EXOC6: variants seen among roughly 807,000 people sequenced by gnomAD.
EXOC6 encodes SEC15-like 1.
A neutral mutation model predicts 112.5 loss-of-function variants in EXOC6; 60 were observed. The ratio of observed to expected loss-of-function variants is 0.53; its 90% CI spans 0.43 to 0.66. EXOC6 has a LOEUF of 0.66. EXOC6 is among the 30% of genes least tolerant of loss of function. The probability of loss-of-function intolerance (pLI) is 0.00; values close to 1 mark genes in which losing one functional copy is unlikely to be tolerated. For synonymous variants in EXOC6, 295 were observed against 308.0 expected (o/e 0.96, Z 0.44); for missense variants, 855 against 957.1 (o/e 0.89, Z 1.41).
chr10:92,974,686 C>T (rs1366536566), intron 18 of EXOC6, among the ~76,000 whole-genome samples: 2 of 152,086 alleles, frequency 1.3e-5, no homozygotes, highest in Non-Finnish European at 2.9e-5. Context: ...CTGCCTCAGC[C>T]TGCCGAGTGC....
intron 1 of EXOC6, among the ~76,000 whole-genome samples, chr10:92,870,357 GTTTC>G (rs1028641771): frequency 2.0e-4 from 31 of 152,234 alleles, no homozygotes; most frequent in Admixed American, 1.8e-3. Context: ...TTTGTCAGAT[GTTTC>G]TTCTGCATCT....
At chr10:92,929,650 A>T (rs1851918088) in intron 9 of EXOC6, among the ~76,000 whole-genome samples, 1 of 152,244 alleles carries the variant, frequency 6.6e-6, no homozygotes, top group African/African-American at 2.4e-5. Flanking sequence ...ATAAAGAATG[A>T]CCAAATAGAT....
chr10:92,886,048 CTGAA>C (rs1849198596), intron 1 of EXOC6, among the ~76,000 whole-genome samples: 1 of 152,026 alleles, frequency 6.6e-6, no homozygotes, highest in Non-Finnish European at 1.5e-5. Flanking sequence ...TTTTGGGAGA[CTGAA>C]AGAACGAAAA....
At chr10:92,851,078 C>T (rs553149757) in intron 1 of EXOC6, among the ~76,000 whole-genome samples, 3 of 152,120 alleles carry the variant, frequency 2.0e-5, no homozygotes, top group Non-Finnish European at 4.4e-5. Flanking sequence ...AATGAAAACA[C>T]AGCATATCAT....
intron 12 of EXOC6, among the ~76,000 whole-genome samples, chr10:92,936,785 C>G (rs992957640): frequency 2.0e-5 from 3 of 152,094 alleles, no homozygotes; most frequent in Non-Finnish European, 4.4e-5. Flanking sequence ...GGTGTGTACA[C>G]CCTCTGTGAT....
intron 13 of EXOC6, among the ~76,000 whole-genome samples, chr10:92,947,860 C>T (rs1278468121): frequency 6.6e-6 from 1 of 152,184 alleles, no homozygotes; most frequent in Admixed American, 6.5e-5. Flanking sequence ...GCCGAGATCA[C>T]ACCACTGCAC....
chr10:92,847,835 CTTTTTTTTTTT>C (rs3078184), upstream of EXOC6, among the ~76,000 whole-genome samples: 19 of 93,682 alleles, frequency 2.0e-4, no homozygotes, highest in East Asian at 5.9e-3. Context: ...CGCCCTGGGC[CTTTTTTTTTTT>C]TTTTTTTTTT....
intron 5 of EXOC6, among the ~76,000 whole-genome samples, chr10:92,905,674 G>A (rs7923502): frequency 0.44 from 66,733 of 151,814 alleles, 15,917 homozygotes; most frequent in African/African-American, 0.62. Context: ...TGGGGGAAAA[G>A]CATCTTGTTT....
chr10:92,997,349 G>C, intron 18 of EXOC6, 125 bp from the exon 19 acceptor site: 1 of 745,356 alleles, frequency 1.3e-6, no homozygotes, highest in Non-Finnish European at 2.0e-6. Context: ...AGGAAGGAAA[G>C]TAACCACTAT....
At chr10:92,932,834 A>C (rs1315929569) in intron 9 of EXOC6, among the ~76,000 whole-genome samples, 1 of 152,218 alleles carries the variant, frequency 6.6e-6, no homozygotes, top group Non-Finnish European at 1.5e-5. Context: ...ATAGAATTTT[A>C]ATTTGTGCAG....
At chr10:93,011,634 C>T (rs11814811) in intron 19 of EXOC6, among the ~76,000 whole-genome samples, 10,045 of 151,864 alleles carry the variant, frequency 0.066, 582 homozygotes, top group African/African-American at 0.14. Flanking sequence ...TATAAAAGGC[C>T]AACATAAAAT....
At chr10:92,838,239 G>A (rs761703053) in intron 1 of EXOC6, among the ~76,000 whole-genome samples, 1 of 152,214 alleles carries the variant, frequency 6.6e-6, no homozygotes, top group Non-Finnish European at 1.5e-5. Flanking sequence ...CGTCATGAGT[G>A]GGTTGTGGCG....
chr10:93,044,791 T>C (rs1236978723), intron 20 of EXOC6, among the ~76,000 whole-genome samples: 2 of 152,230 alleles, frequency 1.3e-5, no homozygotes, highest in African/African-American at 4.8e-5. Context: ...TCGGTTATCC[T>C]GAATGGCTTG....
At chr10:92,895,819 T>C (rs1424749960) in intron 4 of EXOC6, among the ~76,000 whole-genome samples, 1 of 149,266 alleles carries the variant, frequency 6.7e-6, no homozygotes, top group Admixed American at 6.7e-5. Flanking sequence ...CTTGTCTTAG[T>C]GTAGTGTTGG....
At chr10:92,961,202 T>C (rs1312955636) in intron 17 of EXOC6, among the ~76,000 whole-genome samples, 1 of 152,214 alleles carries the variant, frequency 6.6e-6, no homozygotes. Context: ...AAATTACGCC[T>C]TGACTGATTA....
chr10:93,055,955 A>G (rs1324307187), intron 20 of EXOC6, among the ~76,000 whole-genome samples: 1 of 152,164 alleles, frequency 6.6e-6, no homozygotes, highest in East Asian at 1.9e-4. Context: ...CGGCTCTTGT[A>G]TCCCATGAGT....
At chr10:92,936,320 A>G (rs1852336915) in intron 12 of EXOC6, among the ~76,000 whole-genome samples, 1 of 152,312 alleles carries the variant, frequency 6.6e-6, no homozygotes, top group Non-Finnish European at 1.5e-5. Context: ...TTAGATCCTT[A>G]TTTGTGAAAA....
chr10:92,972,709 C>T (rs1842348998), intron 17 of EXOC6, among the ~76,000 whole-genome samples: 1 of 152,192 alleles, frequency 6.6e-6, no homozygotes, highest in Admixed American at 6.5e-5. Flanking sequence ...CTTGTCTTAT[C>T]AGCCCATAGC....
At chr10:92,929,158 G>T (rs572456468) in intron 9 of EXOC6, among the ~76,000 whole-genome samples, 2 of 152,314 alleles carry the variant, frequency 1.3e-5, no homozygotes, top group African/African-American at 4.8e-5. Flanking sequence ...AGGATTTAAA[G>T]CCCCATTATT....
Sources: allele counts gnomAD v4.1 joint callset (sites outside exome capture counted in the v4.1 genomes callset), GRCh38; gene constraint gnomAD v4.1.1; transcripts MANE v1.5; gene names NCBI Gene and HGNC (gene_info 2026-07-23, HGNC 2026-07-21).